MAP3K13: variants seen among roughly 807,000 people sequenced by gnomAD.
The protein encoded by MAP3K13 is leucine zipper-bearing kinase.
In MAP3K13, 52 loss-of-function variants were observed where a neutral mutation model predicts 104.0. The ratio of observed to expected loss-of-function variants is 0.50; its 90% CI spans 0.40 to 0.63. The LOEUF (loss-of-function observed/expected upper bound fraction) is 0.63, where lower values mean the gene tolerates loss of function less well. Ranked by LOEUF, MAP3K13 falls within the 20% of genes least tolerant of loss-of-function variation. The probability of loss-of-function intolerance (pLI) is 0.00; values close to 1 mark genes in which losing one functional copy is unlikely to be tolerated. For synonymous variants in MAP3K13, 394 were observed against 442.2 expected, an observed-to-expected ratio of 0.89 and a Z score of 1.37; for missense variants, 914 against 1,218.5, an observed-to-expected ratio of 0.75 and a Z score of 3.72.
intron 1 of MAP3K13, among the ~76,000 whole-genome samples, chr3:185,378,018 C>T (rs986755934): frequency 6.6e-6 from 1 of 151,982 alleles, no homozygotes; most frequent in African/African-American, 2.4e-5. Flanking sequence ...GGGGGAGGTT[C>T]TGGAGGAACC....
exon 2 of MAP3K13, chr3:185,285,586 G>T: frequency 6.5e-7 from 1 of 1,530,178 alleles, no homozygotes; most frequent in Admixed American, 2.0e-5. Context: ...GACCATTAAT[G>T]GACAAAAACA....
intron 1 of MAP3K13, among the ~76,000 whole-genome samples, chr3:185,367,926 A>G (rs1473222988): frequency 6.6e-6 from 1 of 152,194 alleles, no homozygotes; most frequent in Non-Finnish European, 1.5e-5. Context: ...GGGAGCTTTT[A>G]TATACATTAT....
At chr3:185,474,506 CA>C (rs1717995895) in intron 11 of MAP3K13, among the ~76,000 whole-genome samples, 2 of 152,172 alleles carry the variant, frequency 1.3e-5, no homozygotes, top group Admixed American at 6.5e-5. Flanking sequence ...GGCACATTAA[CA>C]GTCCTCTGCT....
intron 2 of MAP3K13, among the ~76,000 whole-genome samples, chr3:185,431,004 C>A (rs115203198): frequency 6.6e-6 from 1 of 152,078 alleles, no homozygotes; most frequent in South Asian, 2.1e-4. Context: ...GAAGGGGAAG[C>A]AAGAAGGTCT....
rs1560140113 is a variant in MAP3K13 at position 185,483,148 on chromosome 3, G to A, written c.*692G>A. 1 of 232,984 alleles carries A rather than the reference G, an allele frequency of 4.3e-6. No homozygotes were observed. Among genetic ancestry groups the A allele is most frequent in the African/African-American group, 2.2e-5 (1 of 45,316 alleles). The allele number at this position is 232,984 out of a possible 1,614,324, so 14.4% of individuals were successfully genotyped here. A position where few individuals can be genotyped will look rare whatever the true frequency, so the allele number is the denominator to read the frequency against. ...CAAGGGCATGTGCTTCCTCTAGGAG[G>A]GAAAAACAGACAAACAAACAAACAA... On this transcript the variant is annotated 3_prime_UTR_variant, in exon 14 of 14. Transcript: ENST00000265026.
chr3:185,481,178 G>A (rs1238903654), intron 13 of MAP3K13: 2 of 153,240 alleles, frequency 1.3e-5, no homozygotes, highest in African/African-American at 4.8e-5. Flanking sequence ...TCCCAACACG[G>A]TTAAAGGTCT....
At chr3:185,446,638 G>T (rs1715608143) in intron 4 of MAP3K13, among the ~76,000 whole-genome samples, 1 of 152,174 alleles carries the variant, frequency 6.6e-6, no homozygotes, top group South Asian at 2.1e-4. Context: ...AAACAGGACT[G>T]GTGTGGAATT....
chr3:185,340,348 C>G (rs1045870521), intron 2 of MAP3K13, among the ~76,000 whole-genome samples: 1 of 152,080 alleles, frequency 6.6e-6, no homozygotes, highest in African/African-American at 2.4e-5. Flanking sequence ...GGAGAAGAAG[C>G]AGTGAGGCCA....
chr3:185,366,653 A>G (rs1723902993), intron 1 of MAP3K13, among the ~76,000 whole-genome samples: 1 of 152,154 alleles, frequency 6.6e-6, no homozygotes, highest in Non-Finnish European at 1.5e-5. Context: ...ATGGAATCTC[A>G]TTGTGGTTTT....
intron 2 of MAP3K13, among the ~76,000 whole-genome samples, chr3:185,324,307 C>T (rs1577424675): frequency 6.6e-6 from 1 of 152,146 alleles, no homozygotes; most frequent in Non-Finnish European, 1.5e-5. Context: ...CGTGAGCCAC[C>T]GCGCCCAGCC....
At chr3:185,455,694 T>TATATGATATATATATC (rs1716622119) in intron 7 of MAP3K13, among the ~76,000 whole-genome samples, 1 of 19,726 alleles carries the variant, frequency 5.1e-5, no homozygotes, top group Middle Eastern at 0.071. Flanking sequence ...ATATATATGA[T>TATATGATATATATATC]ATATATATGA....
At chr3:185,317,297 G>A (rs991888988) in intron 2 of MAP3K13, among the ~76,000 whole-genome samples, 1 of 152,172 alleles carries the variant, frequency 6.6e-6, no homozygotes, top group African/African-American at 2.4e-5. Context: ...GGTGTGGCCA[G>A]GTCGGGGAAA....
At chr3:185,415,218 T>C (rs1713679510) in intron 1 of MAP3K13, among the ~76,000 whole-genome samples, 1 of 152,126 alleles carries the variant, frequency 6.6e-6, no homozygotes, top group Admixed American at 6.6e-5. Context: ...AGTGGCGCGA[T>C]CATGGCTCAC....
At chr3:185,442,305 A>G (rs1047319975) in intron 3 of MAP3K13, among the ~76,000 whole-genome samples, 1 of 151,644 alleles carries the variant, frequency 6.6e-6, no homozygotes, top group African/African-American at 2.4e-5. Context: ...ACGTCACCAC[A>G]TTACCTGTCT....
chr3:185,302,802 C>T (rs1721154970), intron 2 of MAP3K13, among the ~76,000 whole-genome samples: 1 of 152,162 alleles, frequency 6.6e-6, no homozygotes, highest in Non-Finnish European at 1.5e-5. Context: ...TTACTTCTTT[C>T]TTTCCAATTT....
chr3:185,357,717 A>C (rs1723427460), intron 2 of MAP3K13, among the ~76,000 whole-genome samples: 1 of 152,130 alleles, frequency 6.6e-6, no homozygotes, highest in South Asian at 2.1e-4. Flanking sequence ...GCTTCAGTAC[A>C]TTTGTGTTAT....
intron 2 of MAP3K13, among the ~76,000 whole-genome samples, chr3:185,290,733 G>A (rs1215381761): frequency 6.6e-6 from 1 of 152,150 alleles, no homozygotes; most frequent in Non-Finnish European, 1.5e-5. Context: ...ATGGACTGTT[G>A]TGAGGATTAA....
chr3:185,349,861 G>A (rs556059113), intron 2 of MAP3K13, among the ~76,000 whole-genome samples: 22 of 152,238 alleles, frequency 1.4e-4, no homozygotes, highest in South Asian at 4.1e-4. Context: ...TGCTGTGTGC[G>A]TACACTGCAG....
intron 3 of MAP3K13, among the ~76,000 whole-genome samples, chr3:185,440,335 C>T (rs896202321): frequency 6.6e-6 from 1 of 152,150 alleles, no homozygotes; most frequent in Non-Finnish European, 1.5e-5. Flanking sequence ...CGTAAGATCA[C>T]TGTTAGACCG....
Sources: allele counts gnomAD v4.1 joint callset (sites outside exome capture counted in the v4.1 genomes callset), GRCh38; gene constraint gnomAD v4.1.1; transcripts MANE v1.5; gene names NCBI Gene and HGNC (gene_info 2026-07-23, HGNC 2026-07-21).